The following ASAP1 variants were observed in gnomAD, a reference collection of about 807,000 sequenced individuals.
ASAP1 encodes the protein ArfGAP with SH3 domain, ankyrin repeat and PH domain 1, also known as arf-GAP with SH3 domain, ANK repeat and PH domain-containing protein 1.
In ASAP1, 43 loss-of-function variants were observed where a neutral mutation model predicts 145.2. The ratio of observed to expected loss-of-function variants is 0.30; its 90% CI spans 0.23 to 0.38. The LOEUF (loss-of-function observed/expected upper bound fraction) is 0.38, where lower values mean the gene tolerates loss of function less well. Ranked by LOEUF, ASAP1 falls within the 10% of genes least tolerant of loss-of-function variation. The pLI is 1.00. For synonymous variants in ASAP1, 546 were observed against 515.5 expected (o/e 1.06, Z -0.80); for missense variants, 1,018 against 1,355.3 (o/e 0.75, Z 3.91).
At chr8:130,260,997 G>A (rs568709035) in intron 3 of ASAP1, among the ~76,000 whole-genome samples, 1 of 151,790 alleles carries the variant, frequency 6.6e-6, no homozygotes, top group Non-Finnish European at 1.5e-5. Context: ...TCAACTTTAC[G>A]CAGAGATGCA....
Position 130,079,904 on chromosome 8 carries a change from C to T in ASAP1, c.2640G>A (p.Ser880=), listed in dbSNP as rs779646389. The T allele has an allele frequency of 3.7e-6, 6 of 1,613,808 alleles. No individual in the cohort carries two copies. Among genetic ancestry groups the T allele is most frequent in the African/African-American group, 2.7e-5 (2 of 74,930 alleles). ...AATGAAGCGCTGAGATGGCTTACCT[C>T]GACTGCTGGGATAGTCCCTCAAACT... ...TNKFEGLSQQ[S]STSSAKTALG... The change falls in exon 26 of 30, where the codon TCG becomes TCA. Residue 880 remains serine (S), a splice_region_variant and synonymous_variant. Transcript: ENST00000518721.
chr8:130,420,285 C>A (rs1829666995), intron 1 of ASAP1, among the ~76,000 whole-genome samples: 1 of 145,470 alleles, frequency 6.9e-6, no homozygotes, highest in Non-Finnish European at 1.5e-5. Flanking sequence ...CACACAATAG[C>A]AATAACAAGT....
At chr8:130,415,761 C>G (rs1002143881) in intron 1 of ASAP1, among the ~76,000 whole-genome samples, 1 of 136,142 alleles carries the variant, frequency 7.3e-6, no homozygotes, top group Admixed American at 7.7e-5. Flanking sequence ...GCCTGGGCAA[C>G]AAGAGTGAAA....
At chr8:130,229,128 G>C (rs1451609122) in intron 4 of ASAP1, among the ~76,000 whole-genome samples, 2 of 152,168 alleles carry the variant, frequency 1.3e-5, no homozygotes, top group East Asian at 1.9e-4. Context: ...AACCAGTTCA[G>C]AATCAGCAAC....
chr8:130,386,306 T>C (rs1828013787), intron 2 of ASAP1, among the ~76,000 whole-genome samples: 2 of 152,174 alleles, frequency 1.3e-5, no homozygotes, highest in Admixed American at 1.3e-4. Flanking sequence ...AGCCAGTACA[T>C]TCCCTTCTTG....
At chr8:130,099,171 G>C (rs1017759816) in intron 24 of ASAP1, among the ~76,000 whole-genome samples, 2 of 151,330 alleles carry the variant, frequency 1.3e-5, no homozygotes, top group Admixed American at 6.6e-5. Context: ...ACGCCACCAG[G>C]CCTAGCTAAT....
intron 9 of ASAP1, among the ~76,000 whole-genome samples, chr8:130,178,519 T>C (rs751367006): frequency 1.3e-5 from 2 of 152,242 alleles, no homozygotes; most frequent in Non-Finnish European, 2.9e-5. Context: ...ACAAATTATA[T>C]AGGAATCCAT....
chr8:130,192,336 C>A (rs1353596112), intron 5 of ASAP1, among the ~76,000 whole-genome samples: 1 of 142,696 alleles, frequency 7.0e-6, no homozygotes, highest in African/African-American at 2.6e-5. Flanking sequence ...CGGGGGGGAG[C>A]GATGGGGGAC....
intron 9 of ASAP1, among the ~76,000 whole-genome samples, chr8:130,176,488 CAT>C (rs1813961487): frequency 6.6e-6 from 1 of 152,102 alleles, no homozygotes; most frequent in African/African-American, 2.4e-5. Flanking sequence ...TGTCTCAGAA[CAT>C]CTCTCTCCCT....
At chr8:130,282,058 G>C (rs2137194167) in intron 3 of ASAP1, among the ~76,000 whole-genome samples, 1 of 139,946 alleles carries the variant, frequency 7.1e-6, no homozygotes, top group African/African-American at 2.6e-5. Flanking sequence ...GACAGTGCAA[G>C]ACTCTGCCTC....
At chr8:130,064,893 A>ATGTGTG (rs34905534) in intron 27 of ASAP1, among the ~76,000 whole-genome samples, 5,279 of 142,582 alleles carry the variant, frequency 0.037, 111 homozygotes, top group African/African-American at 0.05. Context: ...TTTACTAAGA[A>ATGTGTG]TGTGTGTGTG....
At chr8:130,059,001 T>G (rs1332468115) in intron 28 of ASAP1, among the ~76,000 whole-genome samples, 1 of 152,194 alleles carries the variant, frequency 6.6e-6, no homozygotes, top group Non-Finnish European at 1.5e-5. Flanking sequence ...GTGTGTAGCA[T>G]GAAATGAAAA....
At chr8:130,366,886 CTTTTTT>C (rs905755447) in intron 2 of ASAP1, among the ~76,000 whole-genome samples, 4 of 99,196 alleles carry the variant, frequency 4.0e-5, no homozygotes, top group Non-Finnish European at 5.9e-5. Context: ...TGCTAGATTC[CTTTTTT>C]TTTTTTTTTT....
intron 2 of ASAP1, among the ~76,000 whole-genome samples, chr8:130,379,428 G>A (rs1018802300): frequency 2.0e-5 from 3 of 152,186 alleles, no homozygotes; most frequent in Admixed American, 6.5e-5. Flanking sequence ...CACTTGAGAA[G>A]GAAATTGTGG....
chr8:130,150,064 G>A (rs1235745466), intron 13 of ASAP1, among the ~76,000 whole-genome samples: 3 of 152,220 alleles, frequency 2.0e-5, no homozygotes, highest in Non-Finnish European at 2.9e-5. Flanking sequence ...GCAGCAATAA[G>A]TATTAACAGA....
chr8:130,350,734 C>T (rs555413720), intron 3 of ASAP1, among the ~76,000 whole-genome samples: 1 of 152,344 alleles, frequency 6.6e-6, no homozygotes, highest in African/African-American at 2.4e-5. Flanking sequence ...AGTAGATATT[C>T]TCCAAGGTCG....
chr8:130,074,161 C>T (rs574526257), intron 27 of ASAP1, among the ~76,000 whole-genome samples: 9 of 151,012 alleles, frequency 6.0e-5, no homozygotes, highest in African/African-American at 2.2e-4. Flanking sequence ...TATGTTAACA[C>T]TGGGTATTTG....
At chr8:130,318,869 G>A (rs890039409) in intron 3 of ASAP1, among the ~76,000 whole-genome samples, 2 of 152,172 alleles carry the variant, frequency 1.3e-5, no homozygotes, top group Non-Finnish European at 2.9e-5. Flanking sequence ...GCAGGACAAA[G>A]CAATGGGGCC....
intron 3 of ASAP1, among the ~76,000 whole-genome samples, chr8:130,248,030 CACT>C (rs1818957177): frequency 6.6e-6 from 1 of 152,062 alleles, no homozygotes; most frequent in African/African-American, 2.4e-5. Flanking sequence ...TGAAAAACAC[CACT>C]GAGAGTGACT....
Sources: allele counts gnomAD v4.1 joint callset (sites outside exome capture counted in the v4.1 genomes callset), GRCh38; gene constraint gnomAD v4.1.1; transcripts MANE v1.5; gene names NCBI Gene and HGNC (gene_info 2026-07-23, HGNC 2026-07-21).